ELAVL4: variants seen among roughly 807,000 people sequenced by gnomAD.
ELAVL4 encodes the protein ELAV like RNA binding protein 4.
A neutral mutation model predicts 35.6 loss-of-function variants in ELAVL4; 1 was observed. That is an observed-to-expected ratio of 0.03 (90% confidence interval 0.01 to 0.13). ELAVL4 has a LOEUF of 0.13. Among genes scored for constraint, ELAVL4 ranks in the 10% least tolerant of loss-of-function variants. The pLI, the probability that ELAVL4 is intolerant of heterozygous loss-of-function variation, is 1.00. For synonymous variants in ELAVL4, 156 were observed against 171.0 expected (o/e 0.91, Z 0.69); for missense variants, 267 against 464.9 (o/e 0.57, Z 3.91).
chr1:50,056,564 A>G (rs766128023), intron 1 of ELAVL4, among the ~76,000 whole-genome samples: 4 of 152,220 alleles, frequency 2.6e-5, no homozygotes, highest in Non-Finnish European at 5.9e-5. Flanking sequence ...TATGTACAGT[A>G]TATAACACTT....
chr1:50,109,539 AG>A (rs1283664092), intron 1 of ELAVL4: 3 of 339,208 alleles, frequency 8.8e-6, no homozygotes, highest in Non-Finnish European at 1.6e-5. Context: ...TGTAAGGGAG[AG>A]GGGGTTTGTC....
intron 1 of ELAVL4, among the ~76,000 whole-genome samples, chr1:50,090,800 G>A (rs1665457881): frequency 6.6e-6 from 1 of 152,182 alleles, no homozygotes; most frequent in African/African-American, 2.4e-5. Flanking sequence ...ACATTCCAAT[G>A]GCCGGAGCTC....
chr1:50,153,494 A>T (rs1200333672), intron 2 of ELAVL4, among the ~76,000 whole-genome samples: 3 of 152,070 alleles, frequency 2.0e-5, no homozygotes, highest in African/African-American at 7.2e-5. Context: ...TTACCATACC[A>T]CTCTGTCTGT....
chr1:50,115,682 C>G (rs138160414), intron 1 of ELAVL4, among the ~76,000 whole-genome samples: 16 of 152,224 alleles, frequency 1.1e-4, no homozygotes, highest in Non-Finnish European at 1.8e-4. Context: ...TCTGTTTGCA[C>G]TTCGTAGCAT....
Position 50,062,601 on chromosome 1 carries a change from G to T in ELAVL4, c.18+14419G>T, listed in dbSNP as rs533022151. 5.9e-5 allele frequency among the ~76,000 whole-genome samples: 9 copies of T among 152,232 alleles called. No homozygotes were observed. In the East Asian group the frequency reaches 1.5e-3, roughly 26 times the overall value. ...TTGAGGAGCTTAGGAAGTGTTTGTT[G>T]AATCAATGAATGAGGAGAATCATTT... On this transcript the variant is annotated intron_variant, in intron 1 of 6. Coordinates refer to the ELAVL4 transcript ENST00000448907.
chr1:50,067,981 C>G (rs867713017), intron 1 of ELAVL4, among the ~76,000 whole-genome samples: 37 of 152,228 alleles, frequency 2.4e-4, no homozygotes, highest in African/African-American at 8.9e-4. Flanking sequence ...CAGTTACCTC[C>G]CACCGGGTCT....
chr1:50,199,429 C>T (rs577748842), intron 6 of ELAVL4, among the ~76,000 whole-genome samples: 2 of 152,170 alleles, frequency 1.3e-5, no homozygotes, highest in Admixed American at 6.5e-5. Context: ...ATCAAAAATC[C>T]GTATATAAGC....
intron 1 of ELAVL4, among the ~76,000 whole-genome samples, chr1:50,140,338 C>A (rs937433511): frequency 2.6e-5 from 4 of 152,246 alleles, no homozygotes; most frequent in African/African-American, 9.6e-5. Flanking sequence ...TTTGCCCAGC[C>A]AGCCTCTGTA....
chr1:50,155,748 G>A (rs146629611), intron 2 of ELAVL4, among the ~76,000 whole-genome samples: 368 of 152,246 alleles, frequency 2.4e-3, no homozygotes, highest in Non-Finnish European at 3.9e-3. Context: ...TTTCTCGTGA[G>A]GGTTTCTGCA....
At chr1:50,135,853 C>G (rs182019233) in intron 1 of ELAVL4, among the ~76,000 whole-genome samples, 2 of 152,262 alleles carry the variant, frequency 1.3e-5, no homozygotes, top group East Asian at 3.9e-4. Context: ...TCTTTAGCCA[C>G]AGTCCCCTAG....
At chr1:50,160,891 T>A (rs1000541447) in intron 2 of ELAVL4, among the ~76,000 whole-genome samples, 1 of 152,242 alleles carries the variant, frequency 6.6e-6, no homozygotes, top group Non-Finnish European at 1.5e-5. Flanking sequence ...ATGCGCTTTG[T>A]AAGAATGGTG....
intron 1 of ELAVL4, among the ~76,000 whole-genome samples, chr1:50,120,228 A>G (rs1373686074): frequency 6.6e-6 from 1 of 151,934 alleles, no homozygotes; most frequent in East Asian, 1.9e-4. Flanking sequence ...AGAGGGAGAC[A>G]TTAGTTCTTG....
chr1:50,140,801 T>C lies in ELAVL4; in HGVS notation c.10-4156T>C, dbSNP rs546044450. 2.5e-3 allele frequency among the ~76,000 whole-genome samples: 381 copies of C among 152,346 alleles called. 1 individual carries two copies. The highest frequency in any genetic ancestry group is 7.5e-3 in the South Asian group (36 of 4,830). ...GATACACAAAAGAATAACTGTGTAG[T>C]GTAGATGCAGAGCAAAGAGAGCTCC... is the stretch of plus-strand genomic sequence containing the variant. On this transcript the variant is annotated intron_variant, in intron 1 of 6. Coordinates refer to ENST00000371824, the MANE Select transcript of ELAVL4 (RefSeq NM_001144774.3).
chr1:50,152,325 T>C (rs1404584778), intron 2 of ELAVL4, among the ~76,000 whole-genome samples: 1 of 152,118 alleles, frequency 6.6e-6, no homozygotes, highest in African/African-American at 2.4e-5. Flanking sequence ...GCTGGGTATT[T>C]TAAGAATTTT....
intron 1 of ELAVL4, among the ~76,000 whole-genome samples, chr1:50,063,738 C>T (rs72686793): frequency 3.2e-4 from 49 of 152,232 alleles, no homozygotes; most frequent in Middle Eastern, 6.8e-3. Context: ...TTGTGACATG[C>T]GACCCTAGTA....
intron 1 of ELAVL4, among the ~76,000 whole-genome samples, chr1:50,062,363 C>T (rs957500689): frequency 6.6e-5 from 10 of 152,102 alleles, no homozygotes; most frequent in African/African-American, 2.4e-4. Flanking sequence ...ACTCTTCCTC[C>T]TCTTGTTCCT....
chr1:50,122,663 G>A (rs952889642), intron 1 of ELAVL4, among the ~76,000 whole-genome samples: 1 of 152,068 alleles, frequency 6.6e-6, no homozygotes, highest in African/African-American at 2.4e-5. Context: ...TAAACTTCAA[G>A]TTTCATTCAG....
intron 1 of ELAVL4, among the ~76,000 whole-genome samples, chr1:50,112,106 T>C (rs1667171889): frequency 6.6e-6 from 1 of 152,106 alleles, no homozygotes; most frequent in Non-Finnish European, 1.5e-5. Context: ...AGATGCGTCT[T>C]TTTGTTTTCT....
At chr1:50,200,613 GT>G (rs1644343571) in intron 6 of ELAVL4, among the ~76,000 whole-genome samples, 2 of 152,160 alleles carry the variant, frequency 1.3e-5, no homozygotes, top group Non-Finnish European at 1.5e-5. Context: ...GTCCCTTATG[GT>G]TTTTAGAAAT....
Sources: allele counts gnomAD v4.1 joint callset (sites outside exome capture counted in the v4.1 genomes callset), GRCh38; gene constraint gnomAD v4.1.1; transcripts MANE v1.5; gene names NCBI Gene and HGNC (gene_info 2026-07-23, HGNC 2026-07-21).